Variants in CELF1 observed in about 807,000 individuals in gnomAD.
CELF1 encodes CUGBP Elav-like family member 1.
In CELF1, 10 loss-of-function variants were observed where a neutral mutation model predicts 61.8. That is an observed-to-expected ratio of 0.16 (90% CI 0.10 to 0.27). The LOEUF is 0.27. Ranked by LOEUF, CELF1 falls within the 10% of genes least tolerant of loss-of-function variation. The probability of loss-of-function intolerance (pLI) is 1.00; values close to 1 mark genes in which losing one functional copy is unlikely to be tolerated. For missense variants in CELF1, 380 were observed against 639.1 expected (o/e 0.59, Z 4.37); for synonymous variants, 236 against 225.1 (o/e 1.05, Z -0.43).
At chr11:47,483,612 C>G (rs748488628) in intron 7 of CELF1, 80 bp from the exon 8 acceptor site, 27 of 1,017,760 alleles carry the variant, frequency 2.7e-5, no homozygotes, top group Non-Finnish European at 3.9e-5. Flanking sequence ...TATGTGCTGA[C>G]TATCATGCTA....
At chr11:47,553,382 T>C (rs971707330), upstream of CELF1, among the ~76,000 whole-genome samples, 1 of 152,116 alleles carries the variant, frequency 6.6e-6, no homozygotes, top group African/African-American at 2.4e-5. Context: ...GGGGCGCATC[T>C]CTTTGTCTCC....
intron 1 of CELF1, among the ~76,000 whole-genome samples, chr11:47,542,690 G>A (rs1176548931): frequency 1.8e-4 from 27 of 152,036 alleles, no homozygotes. Flanking sequence ...TAGAGACAGT[G>A]TTTCACCATG....
chr11:47,481,089 T>C (rs2082823385), intron 9 of CELF1, among the ~76,000 whole-genome samples: 1 of 108,046 alleles, frequency 9.3e-6, no homozygotes, highest in African/African-American at 2.8e-5. Context: ...GGGTTTTTTT[T>C]TTTTTTCTTC....
chr11:47,491,153 G>A (rs538838824), intron 3 of CELF1, among the ~76,000 whole-genome samples: 11 of 151,350 alleles, frequency 7.3e-5, no homozygotes, highest in African/African-American at 2.2e-4. Context: ...ATGAGCCACC[G>A]TGCCCAGCCT....
intron 1 of CELF1, among the ~76,000 whole-genome samples, chr11:47,548,040 C>G (rs2097023792): frequency 6.6e-6 from 1 of 152,112 alleles, no homozygotes. Flanking sequence ...GTGGCTCAAG[C>G]CTGTAATCCC....
chr11:47,540,274 A>C (rs1249395143), intron 1 of CELF1, among the ~76,000 whole-genome samples: 1 of 152,214 alleles, frequency 6.6e-6, no homozygotes, highest in Non-Finnish European at 1.5e-5. Flanking sequence ...ACAAATACTG[A>C]ATCATGAGCA....
Position 47,481,198 on chromosome 11 carries a change from G to A in CELF1, c.768+1497C>T, listed in dbSNP as rs112275278. On this transcript the variant is annotated intron_variant, in intron 9 of 14. Transcript: ENST00000687097. ...GCGATCTTGGCTCACTGCAACCTCC[G>A]CTCAGTGCAACCTCCGCCTCCCAGG... 8.0e-3 allele frequency among the ~76,000 whole-genome samples: 1,037 copies of A among 130,384 alleles called. 7 individuals are homozygous for A. The highest frequency in any genetic ancestry group is 0.028 in the African/African-American group (978 of 34,740). 85.5% of individuals were successfully genotyped at this position (130,384 alleles called of 152,430 possible).
chr11:47,551,870 T>A (rs746194857), intron 1 of CELF1, among the ~76,000 whole-genome samples: 9 of 151,946 alleles, frequency 5.9e-5, no homozygotes, highest in Non-Finnish European at 1.2e-4. Flanking sequence ...ATACGAAAAT[T>A]AGCCAGGCCT....
At position 47,505,829 on chromosome 11, in the gene CELF1, G is replaced by C. The variant is rs2094443381; in HGVS notation, c.-153-4897C>G. On this transcript the variant is annotated intron_variant, in intron 1 of 14. Coordinates refer to ENST00000687097, the MANE Select transcript of CELF1 (RefSeq NM_001376376.1). ...AGGCACCTGTAATCCCAGCTACTCAGGAGGCTGAGGCACGAGAATTGCCTG... is the reference window on the plus strand; with the variant it reads ...AGGCACCTGTAATCCCAGCTACTCACGAGGCTGAGGCACGAGAATTGCCTG... 1.3e-5 allele frequency among the ~76,000 whole-genome samples: 2 copies of C among 149,790 alleles called. 1 individual carries two copies. Among genetic ancestry groups the C allele is most frequent in the South Asian group, 4.2e-4 (2 of 4,728 alleles).
chr11:47,505,896 C>T lies in CELF1; in HGVS notation c.-153-4964G>A, dbSNP rs192483237. The stretch of plus-strand genomic sequence containing the variant: ...GCTGCAGTGAGCTGAGATCGTGCCA[C>T]TGCACTCCAGCCTGGGTGACAAGAG... On this transcript the variant is annotated intron_variant, in intron 1 of 14. Coordinates refer to ENST00000687097, the MANE Select transcript of CELF1 (RefSeq NM_001376376.1). Among the ~76,000 whole-genome samples, 83 of 147,068 alleles carry T rather than the reference C, an allele frequency of 5.6e-4. 1 individual carries two copies. The highest frequency in any genetic ancestry group is 1.6e-3 in the African/African-American group (65 of 40,246).
At chr11:47,477,476 C>T in intron 10 of CELF1, 51 bp from the exon 11 acceptor site, 1 of 1,596,814 alleles carries the variant, frequency 6.3e-7, no homozygotes, top group Non-Finnish European at 8.6e-7. Context: ...TGCTTCATAT[C>T]CATTCCAGCA....
chr11:47,490,904 C>T lies in CELF1; in HGVS notation c.72-1880G>A, dbSNP rs567377533. ...TGAAATGGAGTCTCGCTCTGTCGCC[C>T]GGGCTGGAGTGCAATGGTGCCATCT... On this transcript the variant is annotated intron_variant, in intron 3 of 14. Coordinates refer to ENST00000687097, the MANE Select transcript of CELF1 (RefSeq NM_001376376.1). Among the ~76,000 whole-genome samples the T allele has an allele frequency of 4.0e-5, 6 of 151,566 alleles. No individual in the cohort carries two copies. In the South Asian group the frequency reaches 8.3e-4, roughly 21 times the overall value.
upstream of CELF1, among the ~76,000 whole-genome samples, chr11:47,557,081 G>C (rs2153789238): frequency 6.6e-6 from 1 of 151,956 alleles, no homozygotes; most frequent in Middle Eastern, 3.4e-3. Flanking sequence ...TGTATTTTTA[G>C]TAGAGTCGGG....
At chr11:47,487,125 C>A (rs757718024) in intron 5 of CELF1, 34 bp downstream of exon 5, 94 of 1,514,246 alleles carry the variant, frequency 6.2e-5, no homozygotes, top group Non-Finnish European at 7.1e-5. Flanking sequence ...ATCAAAGTTA[C>A]CACATTTCCA....
At chr11:47,534,195 A>G (rs1375151013) in intron 1 of CELF1, among the ~76,000 whole-genome samples, 1 of 151,150 alleles carries the variant, frequency 6.6e-6, no homozygotes, top group East Asian at 2.0e-4. Context: ...TGCCCGGCTA[A>G]TATTTTGTAT....
chr11:47,482,602 G>A lies in CELF1; in HGVS notation c.768+93C>T. 3.9e-6 allele frequency: 5 copies of A among 1,268,358 alleles called. No individual in the cohort carries two copies. In the South Asian group the frequency reaches 7.4e-5, roughly 19 times the overall value. The allele number at this position is 1,268,358 out of a possible 1,614,324, so 78.6% of individuals were successfully genotyped here. Reference sequence around the variant, plus strand: ...ATATAATTTCTATATGCCAAAAGTTGTAAATGCCACTGTGTTTGTTGGCTA... The same window carrying A: ...ATATAATTTCTATATGCCAAAAGTTATAAATGCCACTGTGTTTGTTGGCTA... On this transcript the variant is annotated intron_variant, in intron 9 of 14. Transcript: ENST00000687097.
intron 1 of CELF1, among the ~76,000 whole-genome samples, chr11:47,564,865 T>C (rs192150317): frequency 1.0e-3 from 155 of 152,360 alleles, no homozygotes; most frequent in African/African-American, 3.4e-3. Context: ...GCAGGTTTTA[T>C]ATTTGAGCTC....
chr11:47,546,450 G>A (rs1016283012), intron 1 of CELF1, among the ~76,000 whole-genome samples: 1 of 151,826 alleles, frequency 6.6e-6, no homozygotes, highest in Non-Finnish European at 1.5e-5. Context: ...ATTTTTGGCA[G>A]AGACGGGGTT....
At chr11:47,513,482 CAG>C (rs2095359824) in intron 1 of CELF1, 1 of 149,830 alleles carries the variant, frequency 6.7e-6, no homozygotes, top group African/African-American at 2.5e-5. Flanking sequence ...TTTTTTGAGA[CAG>C]AGTCTCGCTC....
Sources: allele counts gnomAD v4.1 joint callset (sites outside exome capture counted in the v4.1 genomes callset), GRCh38; gene constraint gnomAD v4.1.1; transcripts MANE v1.5; gene names NCBI Gene and HGNC (gene_info 2026-07-23, HGNC 2026-07-21).